MBNL1: variants seen among roughly 807,000 people sequenced by gnomAD.
MBNL1 encodes the protein muscleblind-like protein 1.
MBNL1 carries 8 observed loss-of-function variants against 42.2 expected under a neutral mutation model. The observed-to-expected ratio is 0.19, with a 90% CI of 0.11 to 0.34. The LOEUF (loss-of-function observed/expected upper bound fraction) is 0.34, where lower values mean the gene tolerates loss of function less well. MBNL1 is among the 10% of genes least tolerant of loss of function. MBNL1 has a pLI of 1.00. For synonymous variants in MBNL1, 169 were observed against 173.9 expected (o/e 0.97, Z 0.22); for missense variants, 309 against 495.3 (o/e 0.62, Z 3.57).
At chr3:152,275,291 C>CA (rs960711789) in intron 1 of MBNL1, among the ~76,000 whole-genome samples, 13 of 152,152 alleles carry the variant, frequency 8.5e-5, no homozygotes, top group Admixed American at 6.5e-4. Context: ...GCTTGCAATT[C>CA]AGTATTCCCC....
At chr3:152,451,098 ATTCTT>A (rs1012149907) in intron 6 of MBNL1, among the ~76,000 whole-genome samples, 33 of 152,318 alleles carry the variant, frequency 2.2e-4, no homozygotes, top group African/African-American at 7.5e-4. Context: ...AGAAAATGGA[ATTCTT>A]TTATTTTTTG....
chr3:152,361,953 G>T (rs1214409299), intron 2 of MBNL1, among the ~76,000 whole-genome samples: 3 of 152,078 alleles, frequency 2.0e-5, no homozygotes, highest in Non-Finnish European at 2.9e-5. Context: ...AAAATGTGTT[G>T]CTCTCAGCAA....
rs919790844 is a variant in MBNL1, at chr3:152,315,891, CCT to C, written c.174+15534_174+15535del. Among the ~76,000 whole-genome samples, 49 of 150,998 alleles carry C rather than the reference CCT, an allele frequency of 3.2e-4. No homozygotes were observed. The South Asian group carries it at 8.4e-3, about 26-fold the overall frequency. On this transcript the variant is annotated intron_variant, in intron 2 of 9. Transcript: ENST00000324210. ...ACTCTCTCTCTCTCTCTCTCTCACT[CCT>C]CTCTCTCTCACACACATATGCGCGC... is the stretch of plus-strand genomic sequence containing the variant.
At chr3:152,295,631 G>A (rs1487938257) in intron 1 of MBNL1, among the ~76,000 whole-genome samples, 3 of 152,194 alleles carry the variant, frequency 2.0e-5, no homozygotes, top group Non-Finnish European at 4.4e-5. Flanking sequence ...GGAGAGGTAC[G>A]AAGAGCTACA....
At chr3:152,417,250 T>C (rs2098717449) in intron 3 of MBNL1, among the ~76,000 whole-genome samples, 1 of 152,132 alleles carries the variant, frequency 6.6e-6, no homozygotes, top group Non-Finnish European at 1.5e-5. Flanking sequence ...ATGAATGGAA[T>C]GGTCATAATC....
chr3:152,260,130 T>C (rs1325474516), intron 2 of MBNL1, among the ~76,000 whole-genome samples: 1 of 152,178 alleles, frequency 6.6e-6, no homozygotes, highest in Non-Finnish European at 1.5e-5. Context: ...GGAAAGTTGA[T>C]AGCAATAAGG....
intron 2 of MBNL1, among the ~76,000 whole-genome samples, chr3:152,355,965 C>A (rs759608918): frequency 3.9e-5 from 6 of 152,136 alleles, no homozygotes; most frequent in Non-Finnish European, 8.8e-5. Flanking sequence ...CCAGCGTGGC[C>A]TTATACCTTA....
At chr3:152,255,850 C>T (rs527702843) in intron 2 of MBNL1, among the ~76,000 whole-genome samples, 3 of 152,062 alleles carry the variant, frequency 2.0e-5, no homozygotes, top group East Asian at 1.9e-4. Flanking sequence ...ACCATGCAGA[C>T]GACTCCAGGA....
At position 152,465,420 on chromosome 3, in the gene MBNL1, AAAAT is replaced by A. The variant is rs1442336188; in HGVS notation, c.*3058_*3061del. The A allele has an allele frequency of 6.6e-6, 1 of 152,640 alleles. No individual in the cohort carries two copies. Among genetic ancestry groups the A allele is most frequent in the Non-Finnish European group, 1.5e-5 (1 of 68,034 alleles). 9.5% of individuals were successfully genotyped at this position (152,640 alleles called of 1,614,324 possible). On this transcript the variant is annotated 3_prime_UTR_variant, in exon 10 of 10. Coordinates refer to ENST00000324210, the MANE Select transcript of MBNL1 (RefSeq NM_021038.5). Reference sequence around the variant, plus strand: ...AGGATCCTGTTCTTTCAGCAGGTGAAAAATAAAACGCAGTTCAAATTTCATGGTT... The same window carrying A: ...AGGATCCTGTTCTTTCAGCAGGTGAAAAAACGCAGTTCAAATTTCATGGTT...
intron 2 of MBNL1, among the ~76,000 whole-genome samples, chr3:152,316,301 G>A (rs73869985): frequency 0.016 from 2,437 of 152,286 alleles, 69 homozygotes; most frequent in African/African-American, 0.056. Context: ...AAAACTCAGC[G>A]TTGAAAGTAG....
Position 152,398,340 on chromosome 3 carries a change from T to G in MBNL1, c.175-16601T>G, listed in dbSNP as rs145468626. ...CATGTAATATATTAGTATAGCACAG[T>G]TTTTTTTTTAATTAAAAAAGACCTA... On this transcript the variant is annotated intron_variant, in intron 2 of 9. Transcript: ENST00000324210. Among the ~76,000 whole-genome samples the G allele has an allele frequency of 3.4e-3, 506 of 148,732 alleles. 13 individuals carry two copies. The highest frequency in any genetic ancestry group is 0.031 in the Admixed American group (470 of 14,938).
chr3:152,464,236 CAAAA>C lies in MBNL1; in HGVS notation c.*1875_*1878del, dbSNP rs767373647. 1 of 151,584 alleles carries C rather than the reference CAAAA, an allele frequency of 6.6e-6. No homozygotes were observed. Among genetic ancestry groups the C allele is most frequent in the Admixed American group, 6.6e-5 (1 of 15,206 alleles). 9.4% of individuals were successfully genotyped at this position (151,584 alleles called of 1,614,324 possible). On this transcript the variant is annotated 3_prime_UTR_variant, in exon 10 of 10. Transcript: ENST00000324210. ...TTTTACCAATGAATTTTTCAAAATACAAAAAAAAGTAGTTTTTCCTTCATAACAT... is the reference window on the plus strand; with the variant it reads ...TTTTACCAATGAATTTTTCAAAATACAAAAGTAGTTTTTCCTTCATAACAT...
chr3:152,244,591 T>C (rs2032440932), intron 2 of MBNL1, among the ~76,000 whole-genome samples: 1 of 152,212 alleles, frequency 6.6e-6, no homozygotes, highest in African/African-American at 2.4e-5. Flanking sequence ...AAAAGTTTAA[T>C]ACATTTACAA....
At chr3:152,384,268 C>A (rs913520542) in intron 2 of MBNL1, among the ~76,000 whole-genome samples, 29 of 152,040 alleles carry the variant, frequency 1.9e-4, no homozygotes, top group African/African-American at 6.7e-4. Flanking sequence ...GAGTAGCCAC[C>A]AATAGTTAGG....
intron 1 of MBNL1, among the ~76,000 whole-genome samples, chr3:152,298,361 G>A (rs1306283268): frequency 6.6e-6 from 1 of 152,228 alleles, no homozygotes; most frequent in Non-Finnish European, 1.5e-5. Flanking sequence ...CTAAGAAGTA[G>A]TCTTGTGGTG....
At chr3:152,459,419 T>G in intron 9 of MBNL1, 74 bp downstream of exon 9, 5 of 732,202 alleles carry the variant, frequency 6.8e-6, no homozygotes, top group Non-Finnish European at 6.2e-6. Flanking sequence ...ATAGTGCACT[T>G]AAAATTTTGC....
At chr3:152,435,952 A>G (rs944911187) in intron 4 of MBNL1, among the ~76,000 whole-genome samples, 11 of 152,110 alleles carry the variant, frequency 7.2e-5, no homozygotes, top group East Asian at 3.8e-4. Context: ...GGCCGAGACT[A>G]TGGGGTTTTC....
At chr3:152,369,260 G>C (rs920450591) in intron 2 of MBNL1, among the ~76,000 whole-genome samples, 1 of 152,112 alleles carries the variant, frequency 6.6e-6, no homozygotes, top group African/African-American at 2.4e-5. Flanking sequence ...TGCATCTATT[G>C]GGATAATCAT....
chr3:152,300,046 GT>G lies in MBNL1; in HGVS notation c.-147del, dbSNP rs2060082105. The stretch of plus-strand genomic sequence containing the variant: ...TGATATTGACGACACAATTTTCCAT[GT>G]ACTTTTAAAGCAGGGAGTGGGGAAA... On this transcript the variant is annotated 5_prime_UTR_variant, in exon 2 of 10. The change abolishes the stop of an existing upstream ORF in the 5' untranslated region. Transcript: ENST00000324210. The G allele has an allele frequency of 1.9e-6, 1 of 526,614 alleles. No homozygotes were observed. The highest frequency in any genetic ancestry group is 2.0e-5 in the African/African-American group (1 of 51,130). The allele number at this position is 526,614 out of a possible 1,614,324, so 32.6% of individuals were successfully genotyped here. A position where few individuals can be genotyped will look rare whatever the true frequency, so the allele number is the denominator to read the frequency against.
Sources: allele counts gnomAD v4.1 joint callset (sites outside exome capture counted in the v4.1 genomes callset), GRCh38; gene constraint gnomAD v4.1.1; transcripts MANE v1.5; gene names NCBI Gene and HGNC (gene_info 2026-07-23, HGNC 2026-07-21).